Variants in KATNIP observed in about 807,000 individuals in gnomAD.
KATNIP encodes the protein katanin-interacting protein.
Under a neutral mutation model 174.0 loss-of-function variants are expected in KATNIP, and 126 were observed. That is an observed-to-expected ratio of 0.72 (90% CI 0.63 to 0.84). The LOEUF is 0.84. KATNIP is among the 40% of genes least tolerant of loss of function. KATNIP has a pLI of 0.00. For synonymous variants in KATNIP, 810 were observed against 835.7 expected (o/e 0.97, Z 0.53); for missense variants, 1,958 against 2,109.7 (o/e 0.93, Z 1.41).
At chr16:27,683,044 C>A (rs1246342730) in intron 8 of KATNIP, among the ~76,000 whole-genome samples, 1 of 152,176 alleles carries the variant, frequency 6.6e-6, no homozygotes, top group African/African-American at 2.4e-5. Flanking sequence ...AAATAAATTC[C>A]TTTCCTTTTG....
chr16:27,701,707 G>T lies in KATNIP; in HGVS notation c.1286+12G>T, dbSNP rs1366939498. On this transcript the variant is annotated intron_variant, in intron 11 of 27. Transcript: ENST00000261588. ...CTTCTGGGAAGCAGGTACTACTAAG[G>T]CTGAGGCCAAACCCGAAACCCCTTA... 6.3e-7 allele frequency: 1 copy of T among 1,575,116 alleles called. No individual in the cohort carries two copies. Among genetic ancestry groups the T allele is most frequent in the Non-Finnish European group, 8.6e-7 (1 of 1,156,584 alleles).
intron 8 of KATNIP, among the ~76,000 whole-genome samples, chr16:27,692,337 G>A (rs1308633904): frequency 6.6e-6 from 1 of 152,306 alleles, no homozygotes; most frequent in East Asian, 1.9e-4. Flanking sequence ...GTGGTTGGGT[G>A]ATATTCACAA....
rs945496735 is a variant in KATNIP, at chr16:27,637,262, C to T, written c.408+6100C>T. On this transcript the variant is annotated intron_variant, in intron 5 of 27. Transcript: ENST00000261588. This position sits in a 1 kb window ranked among gnomAD's most constrained non-coding sequence, Gnocchi z 4.7. ...TCACTCTAGTATGTTCCTTTGCTCA[C>T]TCATACTTTACTTCTTTCATTCCGT... Among the ~76,000 whole-genome samples the T allele has an allele frequency of 2.0e-5, 3 of 152,202 alleles. No individual in the cohort carries two copies. The highest frequency in any genetic ancestry group is 7.2e-5 in the African/African-American group (3 of 41,456).
intron 14 of KATNIP, among the ~76,000 whole-genome samples, chr16:27,731,296 G>A (rs143280323): frequency 2.0e-5 from 3 of 152,348 alleles, no homozygotes; most frequent in African/African-American, 7.2e-5. Context: ...TTGCCGCACT[G>A]GGCCCTGCAG....
rs1319034045 is a variant in KATNIP, at chr16:27,631,181, C to T, written c.408+19C>T. ...GCACCAGGTCTGGAGACTGTGGCCC[C>T]AGCCCACGCTTTAGAATACAGAGTG... On this transcript the variant is annotated intron_variant, in intron 5 of 27. Coordinates refer to ENST00000261588, the MANE Select transcript of KATNIP (RefSeq NM_015202.5). The T allele has an allele frequency of 6.5e-7, 1 of 1,535,524 alleles. No homozygotes were observed. The highest frequency in any genetic ancestry group is 1.2e-5 in the South Asian group (1 of 83,952).
Position 27,777,726 on chromosome 16 carries a change from C to G in KATNIP, c.4668C>G (p.Thr1556=). 1 of 1,614,132 alleles carries G rather than the reference C, an allele frequency of 6.2e-7. No homozygotes were observed. ...PTVPYHTILF[T]EDRDIRHQEK... The stretch of plus-strand genomic sequence containing the variant: ...TGCCCTACCACACCATCCTCTTCAC[C>G]GAGGACAGGGACATCCGCCACCAGG... The change falls in exon 26 of 28, where the codon ACC becomes ACG. Residue 1556 remains threonine, a synonymous_variant. Coordinates refer to ENST00000261588, the MANE Select transcript of KATNIP (RefSeq NM_015202.5). The surrounding 1 kb of genome is among the most constrained non-coding windows in gnomAD (Gnocchi z 4.4).
rs756452788 is a variant in KATNIP at position 27,766,368 on chromosome 16, C to T, written c.3869C>T (p.Ser1290Leu). The change falls in exon 20 of 28, where the codon TCG becomes TTG. Residue 1290 changes from serine (S) to leucine (L), a missense_variant. This residue lies in a region of KATNIP where 383 missense variants were observed against 456.0 expected (regional missense o/e 0.84). Transcript: ENST00000261588. ...EDEHMWLIPF[S>L]PGLDHVVTIR... is the part of the protein sequence containing the mutation. ...GAGCATATGTGGCTGATCCCCTTCTCGCCGGGGCTGGACCATGTGGTCACG... is the reference window on the plus strand; with the variant it reads ...GAGCATATGTGGCTGATCCCCTTCTTGCCGGGGCTGGACCATGTGGTCACG... 30 of 1,614,080 alleles carry T rather than the reference C, an allele frequency of 1.9e-5. No homozygotes were observed. The highest frequency in any genetic ancestry group is 3.3e-5 in the Admixed American group (2 of 60,010).
At chr16:27,765,699 A>T (rs28479371) in intron 19 of KATNIP, among the ~76,000 whole-genome samples, 76 of 152,262 alleles carry the variant, frequency 5.0e-4, no homozygotes, top group African/African-American at 1.7e-3. Flanking sequence ...ACTCACCTCC[A>T]TACCCTCTGA....
chr16:27,583,008 C>T (rs2090755982), intron 2 of KATNIP, among the ~76,000 whole-genome samples: 1 of 152,036 alleles, frequency 6.6e-6, no homozygotes, highest in African/African-American at 2.4e-5. Flanking sequence ...TATCTGAGTC[C>T]CCAGCCTGTC....
chr16:27,691,566 G>A (rs1034299742), intron 8 of KATNIP, among the ~76,000 whole-genome samples: 4 of 152,240 alleles, frequency 2.6e-5, no homozygotes, highest in Admixed American at 6.5e-5. Flanking sequence ...TCGTGTGCAC[G>A]TGTGTGCGGT....
At chr16:27,768,910 A>G (rs907297553) in intron 20 of KATNIP, among the ~76,000 whole-genome samples, 1 of 152,160 alleles carries the variant, frequency 6.6e-6, no homozygotes, top group Non-Finnish European at 1.5e-5. Flanking sequence ...AGCTGCACCC[A>G]TGTTGCTGAC....
At chr16:27,678,112 A>G in intron 7 of KATNIP, 116 bp downstream of exon 7, 2 of 1,169,496 alleles carry the variant, frequency 1.7e-6, no homozygotes, top group Middle Eastern at 2.8e-4. Context: ...CTCACAGGCC[A>G]GGGAGGTATA....
At chr16:27,626,313 G>A (rs1224216829) in intron 3 of KATNIP, among the ~76,000 whole-genome samples, 1 of 151,556 alleles carries the variant, frequency 6.6e-6, no homozygotes, top group Non-Finnish European at 1.5e-5. Flanking sequence ...GTTGCTTCCA[G>A]AGTTTTGTTA....
At chr16:27,665,839 G>C (rs183706082) in intron 6 of KATNIP, among the ~76,000 whole-genome samples, 6 of 152,006 alleles carry the variant, frequency 3.9e-5, no homozygotes, top group Non-Finnish European at 2.9e-5. Context: ...GGCCTCAGGT[G>C]ATCCACCCAC....
intron 11 of KATNIP, among the ~76,000 whole-genome samples, chr16:27,702,865 T>G (rs957805198): frequency 6.6e-6 from 1 of 152,088 alleles, no homozygotes; most frequent in African/African-American, 2.4e-5. Flanking sequence ...ACTCGCAGAT[T>G]CCCCTGCATG....
At chr16:27,769,729 C>G in intron 20 of KATNIP, 132 bp from the exon 21 acceptor site, 1 of 1,059,440 alleles carries the variant, frequency 9.4e-7, no homozygotes, top group Non-Finnish European at 1.4e-6. Context: ...GGGAAATGGA[C>G]CTCGGTCAGG....
intron 6 of KATNIP, among the ~76,000 whole-genome samples, chr16:27,676,962 G>C (rs1443195780): frequency 6.6e-6 from 1 of 152,120 alleles, no homozygotes; most frequent in Non-Finnish European, 1.5e-5. Flanking sequence ...ATGAGCCACT[G>C]TCCCAGCTCC....
intron 5 of KATNIP, among the ~76,000 whole-genome samples, chr16:27,634,555 C>T (rs2076580397): frequency 6.6e-6 from 1 of 152,174 alleles, no homozygotes. Flanking sequence ...GTTACTGCCC[C>T]AGCTGTTGGC....
chr16:27,633,402 T>C (rs904694109), intron 5 of KATNIP, among the ~76,000 whole-genome samples: 1 of 149,940 alleles, frequency 6.7e-6, no homozygotes, highest in African/African-American at 2.4e-5. Context: ...GTACTATATT[T>C]TTTATTTTTT....
Sources: gnomAD v4.1 joint callset for allele counts (sites outside exome capture counted in the v4.1 genomes callset) on GRCh38, gnomAD v4.1.1 for gene constraint, gnomAD v4.1.1 regional missense constraint, Gnocchi (gnomAD v3.1) non-coding constraint, MANE v1.5 for transcripts, NCBI Gene and HGNC (gene_info 2026-07-23, HGNC 2026-07-21) for gene names.